SHPRH: variants seen among roughly 807,000 people sequenced by gnomAD.
SHPRH encodes the protein SNF2 histone linker PHD RING helicase.
In SHPRH, 106 loss-of-function variants were observed where a neutral mutation model predicts 202.5. That is an observed-to-expected ratio of 0.52 (90% confidence interval 0.45 to 0.62). The LOEUF is 0.62. Ranked by LOEUF, SHPRH falls within the 20% of genes least tolerant of loss-of-function variation. The pLI, the probability that SHPRH is intolerant of heterozygous loss-of-function variation, is 0.00. For synonymous variants in SHPRH, 729 were observed against 686.0 expected, an observed-to-expected ratio of 1.06 and a Z score of -0.98; for missense variants, 1,710 against 2,020.0, an observed-to-expected ratio of 0.85 and a Z score of 2.94.
intron 2 of SHPRH, among the ~76,000 whole-genome samples, chr6:145,872,936 G>A (rs537244423): frequency 6.6e-6 from 1 of 152,322 alleles, no homozygotes; most frequent in African/African-American, 2.4e-5. Context: ...CACAGGAACA[G>A]AAAACCAAAT....
At chr6:145,902,862 A>G (rs557039185) in intron 25 of SHPRH, among the ~76,000 whole-genome samples, 2 of 152,210 alleles carry the variant, frequency 1.3e-5, no homozygotes, top group South Asian at 4.1e-4. Flanking sequence ...CCTCATGAAC[A>G]AGTCCTCTAC....
In SHPRH at chr6:145,940,797, G is replaced by A; in HGVS notation, c.2495C>T (p.Ala832Val). The A allele has an allele frequency of 6.2e-7, 1 of 1,613,576 alleles. No individual in the cohort carries two copies. The highest frequency in any genetic ancestry group is 8.5e-7 in the Non-Finnish European group (1 of 1,179,772). The change falls in exon 11 of 30, where the codon GCA (alanine) becomes GTA (valine). Residue 832 changes from alanine to valine, a missense_variant. This residue lies in a region of SHPRH where 277 missense variants were observed against 363.0 expected (regional missense o/e 0.76). Transcript: ENST00000275233. ...QMVECPTVKA[A>V]EMAQRLSGIN... is the part of the protein sequence containing the mutation. ...CCCACTCAAACGCTGGGCCATTTCTGCAGCCTGATGAGAGGGAAAAATGAA... is the reference window on the plus strand; with the variant it reads ...CCCACTCAAACGCTGGGCCATTTCTACAGCCTGATGAGAGGGAAAAATGAA...
chr6:145,962,022 A>G (rs1406869802), intron 1 of SHPRH, among the ~76,000 whole-genome samples: 1 of 152,228 alleles, frequency 6.6e-6, no homozygotes, highest in Non-Finnish European at 1.5e-5. Context: ...AGTCACAACT[A>G]CTTCTTCCTC....
intron 1 of SHPRH, among the ~76,000 whole-genome samples, chr6:145,955,714 T>C (rs1458304088): frequency 6.6e-6 from 1 of 151,790 alleles, no homozygotes; most frequent in Non-Finnish European, 1.5e-5. Flanking sequence ...CCAACAATAC[T>C]TAAAAGAGCG....
chr6:145,910,290 G>A (rs943518035), intron 25 of SHPRH, 158 bp downstream of exon 25: 5 of 739,166 alleles, frequency 6.8e-6, no homozygotes, highest in Non-Finnish European at 1.1e-5. Context: ...AAATTACATG[G>A]TTAAGCTGAG....
At position 145,940,811 on chromosome 6, in the gene SHPRH, G is replaced by A; in HGVS notation, c.2491-10C>T. Reference sequence around the variant, plus strand: ...GGGCCATTTCTGCAGCCTGATGAGAGGGAAAAATGAAATAAAAATGAAATC... The same window carrying A: ...GGGCCATTTCTGCAGCCTGATGAGAAGGAAAAATGAAATAAAAATGAAATC... On this transcript the variant is annotated splice_polypyrimidine_tract_variant and intron_variant, in intron 10 of 29. Coordinates refer to ENST00000275233, the MANE Select transcript of SHPRH (RefSeq NM_001042683.3). The A allele has an allele frequency of 8.7e-6, 14 of 1,613,104 alleles. No individual in the cohort carries two copies. The highest frequency in any genetic ancestry group is 1.1e-5 in the South Asian group (1 of 91,050).
intron 20 of SHPRH, 61 bp downstream of exon 20, chr6:145,922,225 T>A: frequency 6.9e-7 from 1 of 1,440,084 alleles, no homozygotes. Context: ...TTATATCACA[T>A]AACTGAGTCT....
rs1787855011 is a variant in SHPRH, at chr6:145,950,428, A to T, written c.818T>A (p.Ile273Asn). ...DPESEPEGQD[I>N]DELYHFVKQT... ...TTTCACAAAGTGATACAGCTCGTCA[A>T]TGTCTTGTCCCTCTGGCTCACTCTC... The change falls in exon 4 of 30, where the codon ATT becomes AAT. Residue 273 changes from isoleucine (I) to asparagine (N), a missense_variant. Transcript: ENST00000275233. The T allele has an allele frequency of 6.2e-7, 1 of 1,613,112 alleles. No individual in the cohort carries two copies. Among genetic ancestry groups the T allele is most frequent in the African/African-American group, 1.3e-5 (1 of 74,826 alleles).
Position 145,950,417 on chromosome 6 carries a change from A to G in SHPRH, c.829T>C (p.Tyr277His), listed in dbSNP as rs776595367. ...TGATGTGTTTGTTTCACAAAGTGAT[A>G]CAGCTCGTCAATGTCTTGTCCCTCT... is the stretch of plus-strand genomic sequence containing the variant. ...EPEGQDIDEL[Y>H]HFVKQTHQQE... The change falls in exon 4 of 30, where the codon TAT becomes CAT. Residue 277 changes from tyrosine to histidine, a missense_variant. This residue lies in a region of SHPRH where 459 missense variants were observed against 426.5 expected (regional missense o/e 1.08). Transcript: ENST00000275233. The G allele has an allele frequency of 7.4e-6, 12 of 1,613,166 alleles. No individual in the cohort carries two copies. The Admixed American group carries it at 2.0e-4, about 27-fold the overall frequency.
Position 145,935,067 on chromosome 6 carries a change from C to T in SHPRH, c.2830G>A (p.Asp944Asn). 6.2e-7 allele frequency: 1 copy of T among 1,613,940 alleles called. No homozygotes were observed. Among genetic ancestry groups the T allele is most frequent in the Non-Finnish European group, 8.5e-7 (1 of 1,179,976 alleles). ...ATCTTCCTGAGTTTTACCACCACAT[C>T]CTGGCAGCACACCTCATGCTGACGG... ...YHRQHEVCCQ[D>N]VVVKLRKISD... is the part of the protein sequence containing the mutation. The change falls in exon 13 of 30, where the codon GAT (aspartate) becomes AAT (asparagine). Residue 944 changes from aspartate to asparagine, a missense_variant. Physicochemically the swap from Asp to Asn is conservative, Grantham distance 23. Around this residue, in one of 8 missense-constraint regions of SHPRH, gnomAD observed 277 missense variants for 363.0 expected, o/e 0.76. Coordinates refer to ENST00000275233, the MANE Select transcript of SHPRH (RefSeq NM_001042683.3).
At chr6:145,862,464 A>C (rs77421871), downstream of SHPRH, among the ~76,000 whole-genome samples, 12 of 140,376 alleles carry the variant, frequency 8.5e-5, no homozygotes, top group African/African-American at 3.3e-4. Flanking sequence ...ACAACAACAA[A>C]AAACAAAAAG....
At chr6:145,959,983 T>A (rs1281220163) in intron 1 of SHPRH, among the ~76,000 whole-genome samples, 1 of 152,258 alleles carries the variant, frequency 6.6e-6, no homozygotes, top group Non-Finnish European at 1.5e-5. Flanking sequence ...TTTAAAAAGT[T>A]ATGCTATAGT....
At chr6:145,961,622 T>G (rs1387869919) in intron 1 of SHPRH, among the ~76,000 whole-genome samples, 2 of 152,250 alleles carry the variant, frequency 1.3e-5, no homozygotes, top group African/African-American at 2.4e-5. Context: ...TTAAATTATG[T>G]ACACCATTAT....
chr6:145,864,987 CGTGGTGCCTTTCTATTTATTTCTA>C (rs1779714290), intron 2 of SHPRH, among the ~76,000 whole-genome samples: 1 of 150,142 alleles, frequency 6.7e-6, no homozygotes, highest in Non-Finnish European at 1.5e-5. Flanking sequence ...ACTTTGAGAC[CGTGGTGCCTTTCTATTTATTTCTA>C]GTATGGAACA....
chr6:145,884,164 T>C (rs1780794757), downstream of SHPRH: 1 of 139,162 alleles, frequency 7.2e-6, no homozygotes, highest in Admixed American at 6.9e-5. Flanking sequence ...ATTTGTAAAG[T>C]ATTAGTAGTT....
chr6:145,913,623 A>G, intron 23 of SHPRH, 74 bp from the exon 24 acceptor site: 3 of 1,275,376 alleles, frequency 2.4e-6, no homozygotes, highest in Non-Finnish European at 3.3e-6. Flanking sequence ...TTTGCAACTC[A>G]TTTATGGAAG....
At position 145,942,994 on chromosome 6, in the gene SHPRH, ATT is replaced by A. The variant is rs1230547275; in HGVS notation, c.2238+147_2238+148del. Reference sequence around the variant, plus strand: ...TGTACTGTTCTAGTTCTTAGTCTCAATTTTTTTCTTTAAGCTTTGATTTAACA... The same window carrying A: ...TGTACTGTTCTAGTTCTTAGTCTCAATTTTTCTTTAAGCTTTGATTTAACA... On this transcript the variant is annotated intron_variant, in intron 9 of 29. Coordinates refer to ENST00000275233, the MANE Select transcript of SHPRH (RefSeq NM_001042683.3). The A allele has an allele frequency of 3.3e-5, 30 of 902,218 alleles. No homozygotes were observed. The South Asian group carries it at 3.8e-4, about 11-fold the overall frequency. 55.9% of individuals were successfully genotyped at this position (902,218 alleles called of 1,614,324 possible).
chr6:145,917,725 C>G (rs1784078219), intron 23 of SHPRH: 1 of 153,730 alleles, frequency 6.5e-6, no homozygotes, highest in Non-Finnish European at 1.4e-5. Flanking sequence ...ACCTTTATTA[C>G]CATGTACTCT....
chr6:145,905,525 T>C (rs1271843824), intron 25 of SHPRH: 2 of 152,054 alleles, frequency 1.3e-5, no homozygotes, highest in Non-Finnish European at 2.9e-5. Context: ...GGCCCTTATA[T>C]AAAATGATGT....
Sources: allele counts gnomAD v4.1 joint callset (sites outside exome capture counted in the v4.1 genomes callset), GRCh38; gene constraint gnomAD v4.1.1; regional missense constraint gnomAD v4.1.1; transcripts MANE v1.5; gene names NCBI Gene and HGNC (gene_info 2026-07-23, HGNC 2026-07-21).